Variants in ANKRD30BL observed in about 807,000 individuals in gnomAD.
ANKRD30BL encodes putative ankyrin repeat domain-containing protein 30B-like.
ANKRD30BL carries 20 observed loss-of-function variants against 18.4 expected under a neutral mutation model. The observed-to-expected ratio is 1.09, with a 90% CI of 0.77 to 1.58. ANKRD30BL has a LOEUF of 1.58. Ranked by LOEUF, ANKRD30BL falls within the 40% of genes most tolerant of loss-of-function variation. The pLI, the probability that ANKRD30BL is intolerant of heterozygous loss-of-function variation, is 0.00. For missense variants in ANKRD30BL, 224 were observed against 268.6 expected (o/e 0.83, Z 1.16); for synonymous variants, 72 against 100.9 (o/e 0.71, Z 1.72).
chr2:132,246,059 ACT>A (rs1680490582), intron 1 of ANKRD30BL, among the ~76,000 whole-genome samples: 1 of 149,748 alleles, frequency 6.7e-6, no homozygotes, highest in Admixed American at 6.7e-5. Flanking sequence ...GTTTTGAAAC[ACT>A]CTTTTTATAG....
chr2:132,159,759 TG>T (rs1688006655), intron 1 of ANKRD30BL, among the ~76,000 whole-genome samples: 1 of 152,204 alleles, frequency 6.6e-6, no homozygotes, highest in African/African-American at 2.4e-5. Flanking sequence ...AATTTTGTTT[TG>T]CTTAATTATC....
In ANKRD30BL at chr2:132,161,353, G is replaced by A. The variant is rs530442676; in HGVS notation, c.218+135C>T. ...AGAAGGCCAAGACCTCGGGGCCCAG[G>A]ACGGCCGCCCCGCTGCCCGCCACTC... On this transcript the variant is annotated intron_variant, in intron 1 of 5. Transcript: ENST00000409867. 69 of 883,868 alleles carry A rather than the reference G, an allele frequency of 7.8e-5. 1 individual carries two copies. The East Asian group carries it at 1.4e-3, about 17-fold the overall frequency. The allele number at this position is 883,868 out of a possible 1,614,324, so 54.8% of individuals were successfully genotyped here.
intron 1 of ANKRD30BL, among the ~76,000 whole-genome samples, chr2:132,246,112 G>T (rs1290562416): frequency 6.6e-6 from 1 of 150,850 alleles, no homozygotes; most frequent in Admixed American, 6.6e-5. Context: ...CGCTTTCCTT[G>T]GAAACGGGAA....
intron 1 of ANKRD30BL, among the ~76,000 whole-genome samples, chr2:132,211,244 A>T (rs932250560): frequency 7.2e-5 from 11 of 152,138 alleles, no homozygotes; most frequent in Non-Finnish European, 1.3e-4. Flanking sequence ...AACTAGACAG[A>T]AGCATTCTGA....
intron 1 of ANKRD30BL, among the ~76,000 whole-genome samples, chr2:132,180,177 T>C (rs1688437592): frequency 6.6e-6 from 1 of 151,304 alleles, no homozygotes; most frequent in Admixed American, 6.6e-5. Flanking sequence ...AATTTCCAGC[T>C]GTGCAAGCTC....
chr2:132,223,987 A>G (rs926164486), intron 1 of ANKRD30BL, among the ~76,000 whole-genome samples: 4 of 152,166 alleles, frequency 2.6e-5, no homozygotes, highest in Non-Finnish European at 5.9e-5. Flanking sequence ...AGACAGGAGC[A>G]TTCTCAGAAA....
chr2:132,163,534 A>T (rs186916691), upstream of ANKRD30BL, among the ~76,000 whole-genome samples: 307 of 152,122 alleles, frequency 2.0e-3, 1 homozygote, highest in Non-Finnish European at 3.3e-3. Flanking sequence ...GGCAACAGAG[A>T]CTCTCTCTCA....
intron 1 of ANKRD30BL, among the ~76,000 whole-genome samples, chr2:132,248,635 C>T (rs1680567815): frequency 6.6e-6 from 1 of 151,930 alleles, no homozygotes; most frequent in African/African-American, 2.4e-5. Context: ...CACCACAGAC[C>T]TCAAGCCGCT....
chr2:132,239,574 T>A (rs1680253486), intron 1 of ANKRD30BL, among the ~76,000 whole-genome samples: 1 of 151,894 alleles, frequency 6.6e-6, no homozygotes, highest in Non-Finnish European at 1.5e-5. Flanking sequence ...GATACACCCT[T>A]TTTGTTAAAA....
intron 1 of ANKRD30BL, among the ~76,000 whole-genome samples, chr2:132,240,828 A>C (rs1680296236): frequency 6.6e-6 from 1 of 151,668 alleles, no homozygotes; most frequent in South Asian, 2.1e-4. Flanking sequence ...GAAAAAAGAA[A>C]CACCTTCTCA....
chr2:132,216,714 C>G (rs2104764397), intron 1 of ANKRD30BL, among the ~76,000 whole-genome samples: 1 of 150,926 alleles, frequency 6.6e-6, no homozygotes, highest in Non-Finnish European at 1.5e-5. Flanking sequence ...AAAACCTATA[C>G]AGAAGCATTG....
intron 1 of ANKRD30BL, among the ~76,000 whole-genome samples, chr2:132,221,238 G>A (rs1679668784): frequency 1.4e-5 from 2 of 145,826 alleles, no homozygotes; most frequent in South Asian, 4.3e-4. Context: ...TCCGGGAGGT[G>A]AGGGGCTCCT....
chr2:132,191,996 G>A (rs1451049192), intron 1 of ANKRD30BL, among the ~76,000 whole-genome samples: 1 of 151,818 alleles, frequency 6.6e-6, no homozygotes, highest in African/African-American at 2.4e-5. Flanking sequence ...CACCCACCTT[G>A]GCCTTCCAAA....
intron 1 of ANKRD30BL, among the ~76,000 whole-genome samples, chr2:132,186,280 G>T (rs1363137745): frequency 6.6e-6 from 1 of 151,994 alleles, no homozygotes; most frequent in Non-Finnish European, 1.5e-5. Context: ...TACGTAACTA[G>T]AATTGTTAAT....
chr2:132,173,609 C>A (rs1688318284), intron 1 of ANKRD30BL, among the ~76,000 whole-genome samples: 1 of 151,942 alleles, frequency 6.6e-6, no homozygotes, highest in Non-Finnish European at 1.5e-5. Flanking sequence ...TTGCTTCTAA[C>A]ATAGTTGTCT....
At chr2:132,206,186 AAAG>A (rs1679209435) in intron 1 of ANKRD30BL, among the ~76,000 whole-genome samples, 1 of 152,004 alleles carries the variant, frequency 6.6e-6, no homozygotes, top group African/African-American at 2.4e-5. Flanking sequence ...AGAAGAAAGA[AAAG>A]AAGGACGGAA....
intron 1 of ANKRD30BL, among the ~76,000 whole-genome samples, chr2:132,252,980 C>A (rs80281878): frequency 2.0e-5 from 3 of 152,150 alleles, no homozygotes; most frequent in African/African-American, 7.2e-5. Context: ...CGCCACCCAA[C>A]GCGTGACTAC....
Position 132,157,043 on chromosome 2 carries a change from A to G in ANKRD30BL, c.437T>C (p.Val146Ala), listed in dbSNP as rs1387708838. The change falls in exon 3 of 6, where the codon GTT becomes GCT. Residue 146 changes from valine (V) to alanine (A), a missense_variant. This residue lies in a region of ANKRD30BL where 30 missense variants were observed against 77.5 expected (regional missense o/e 0.39). Coordinates refer to ENST00000409867, the MANE Select transcript of ANKRD30BL (RefSeq NM_001358416.1). Reference protein sequence around the residue: ...VYGNTAVHYAVNSENLSVVAK... With the variant: ...VYGNTAVHYAANSENLSVVAK... ...CACCACTGACAAATTCTCACTGTTAACAGCATAATGGACAGCTGTGTTGCC... is the reference window on the plus strand; with the variant it reads ...CACCACTGACAAATTCTCACTGTTAGCAGCATAATGGACAGCTGTGTTGCC... The G allele has an allele frequency of 1.4e-6, 2 of 1,383,334 alleles. No individual in the cohort carries two copies. The highest frequency in any genetic ancestry group is 1.0e-6 in the Non-Finnish European group (1 of 998,434). 85.7% of individuals were successfully genotyped at this position (1,383,334 alleles called of 1,614,324 possible). A position where few individuals can be genotyped will look rare whatever the true frequency, so the allele number is the denominator to read the frequency against.
At chr2:132,228,997 A>T (rs1472483604) in intron 1 of ANKRD30BL, among the ~76,000 whole-genome samples, 1 of 152,148 alleles carries the variant, frequency 6.6e-6, no homozygotes, top group Non-Finnish European at 1.5e-5. Flanking sequence ...GTGTGCATTC[A>T]TCTAACGGAT....
Sources: allele counts gnomAD v4.1 joint callset (sites outside exome capture counted in the v4.1 genomes callset), GRCh38; gene constraint gnomAD v4.1.1; regional missense constraint gnomAD v4.1.1; transcripts MANE v1.5; gene names NCBI Gene and HGNC (gene_info 2026-07-23, HGNC 2026-07-21).